The following ENPP6 variants were observed in gnomAD, a reference collection of about 807,000 sequenced individuals.
ENPP6 encodes glycerophosphocholine cholinephosphodiesterase ENPP6.
ENPP6 carries 32 observed loss-of-function variants against 42.0 expected under a neutral mutation model. The observed-to-expected ratio is 0.76, with a 90% CI of 0.58 to 1.02. The LOEUF is 1.02. Ranked by LOEUF, ENPP6 falls within the 50% of genes least tolerant of loss-of-function variation. The probability of loss-of-function intolerance (pLI) is 0.00; values close to 1 mark genes in which losing one functional copy is unlikely to be tolerated. For missense variants in ENPP6, 552 were observed against 566.8 expected, an observed-to-expected ratio of 0.97 and a Z score of 0.27; for synonymous variants, 213 against 216.0, an observed-to-expected ratio of 0.99 and a Z score of 0.12.
At chr4:184,136,240 A>G (rs919835636) in intron 2 of ENPP6, among the ~76,000 whole-genome samples, 4 of 151,622 alleles carry the variant, frequency 2.6e-5, no homozygotes, top group African/African-American at 9.7e-5. Context: ...ATATTAAAAT[A>G]TAAATTTCAT....
intron 1 of ENPP6, chr4:184,203,883 C>T (rs1009786383): frequency 6.6e-6 from 1 of 152,206 alleles, no homozygotes; most frequent in East Asian, 1.9e-4. Flanking sequence ...CATTAGCAGC[C>T]TAGTGTCACG....
At chr4:184,132,147 A>G (rs1466462710) in intron 2 of ENPP6, among the ~76,000 whole-genome samples, 2 of 152,180 alleles carry the variant, frequency 1.3e-5, no homozygotes, top group African/African-American at 4.8e-5. Flanking sequence ...GAGTCCACTG[A>G]TGCAAACGTC....
intron 7 of ENPP6, among the ~76,000 whole-genome samples, chr4:184,092,475 G>A (rs1459801578): frequency 6.6e-6 from 1 of 152,190 alleles, no homozygotes; most frequent in Non-Finnish European, 1.5e-5. Flanking sequence ...CACACAGGTA[G>A]GGTGGCCACA....
intron 1 of ENPP6, 131 bp downstream of exon 1, chr4:184,217,448 T>A (rs541494513): frequency 1.0e-4 from 136 of 1,299,112 alleles, no homozygotes; most frequent in South Asian, 6.9e-4. Flanking sequence ...AGATTTTTTT[T>A]ATCTACCTTT....
At chr4:184,135,859 C>A (rs974376130) in intron 2 of ENPP6, among the ~76,000 whole-genome samples, 1 of 152,090 alleles carries the variant, frequency 6.6e-6, no homozygotes, top group Non-Finnish European at 1.5e-5. Context: ...TGCACATTAG[C>A]TTCACCTGTT....
At chr4:184,169,741 A>G (rs544637771) in intron 1 of ENPP6, among the ~76,000 whole-genome samples, 4 of 152,228 alleles carry the variant, frequency 2.6e-5, no homozygotes, top group Admixed American at 2.6e-4. Flanking sequence ...TCCAAGGCCA[A>G]TCACCGGTGG....
Position 184,153,720 on chromosome 4 carries a change from T to C in ENPP6, c.255A>G (p.Glu85=), listed in dbSNP as rs1579638448. The C allele has an allele frequency of 6.2e-7, 1 of 1,614,002 alleles. No individual in the cohort carries two copies. The highest frequency in any genetic ancestry group is 2.2e-5 in the East Asian group (1 of 44,884). Residue 85 remains glutamate (E), a synonymous_variant, in exon 2 of 8, where the codon GAA becomes GAG. Transcript: ENST00000296741. ...YYTLMTGRHC[E]VHQMIGNYMW... ...TGTAGTTCCCGATCATCTGATGGACTTCACAATGGCGGCCTATGTCAATGA... is the reference window on the plus strand; with the variant it reads ...TGTAGTTCCCGATCATCTGATGGACCTCACAATGGCGGCCTATGTCAATGA...
intron 2 of ENPP6, among the ~76,000 whole-genome samples, chr4:184,147,172 A>G (rs946418726): frequency 1.3e-5 from 2 of 152,242 alleles, no homozygotes; most frequent in African/African-American, 2.4e-5. Flanking sequence ...CAAGAAGCCC[A>G]GGGCCATGCC....
At chr4:184,121,917 A>T (rs1736420882) in intron 3 of ENPP6, among the ~76,000 whole-genome samples, 1 of 152,214 alleles carries the variant, frequency 6.6e-6, no homozygotes, top group Non-Finnish European at 1.5e-5. Flanking sequence ...ATAATAACAC[A>T]CAGGTTGGCT....
At chr4:184,131,201 C>CTTTCTTTCTTTCTTT (rs376993212) in intron 2 of ENPP6, among the ~76,000 whole-genome samples, 8 of 70,644 alleles carry the variant, frequency 1.1e-4, no homozygotes, top group Admixed American at 4.6e-4. Context: ...TTCTTTCTTT[C>CTTTCTTTCTTTCTTT]TTCTTTCTTT....
chr4:184,091,484 G>A, intron 7 of ENPP6, 102 bp from the exon 8 acceptor site: 1 of 1,087,624 alleles, frequency 9.2e-7, no homozygotes. Flanking sequence ...AGGTGACATT[G>A]AGATTAGGGA....
chr4:184,201,008 C>A (rs941222119), intron 1 of ENPP6, among the ~76,000 whole-genome samples: 2 of 152,230 alleles, frequency 1.3e-5, no homozygotes, highest in Non-Finnish European at 2.9e-5. Context: ...CACGCATCCT[C>A]CCATGATCTG....
intron 2 of ENPP6, among the ~76,000 whole-genome samples, chr4:184,131,204 CTTTCTTTCTTTCTT>C (rs869026694): frequency 2.2e-5 from 1 of 45,182 alleles, no homozygotes; most frequent in African/African-American, 1.1e-4. Context: ...TTTCTTTCTT[CTTTCTTTCTTTCTT>C]TTTCTTTCTT....
chr4:184,113,903 C>CTTTCTTTCTTTTCT (rs1736258651), intron 5 of ENPP6, among the ~76,000 whole-genome samples: 73 of 60,906 alleles, frequency 1.2e-3, no homozygotes, highest in African/African-American at 4.4e-3. Context: ...TCTTTCTTTT[C>CTTTCTTTCTTTTCT]TTTCTTTCTT....
intron 1 of ENPP6, among the ~76,000 whole-genome samples, chr4:184,195,566 C>T (rs553160372): frequency 4.6e-5 from 7 of 152,284 alleles, no homozygotes; most frequent in Admixed American, 4.6e-4. Flanking sequence ...ACTGGAAACT[C>T]TGTACCCCTT....
chr4:184,173,231 G>A (rs1432534212), intron 1 of ENPP6, among the ~76,000 whole-genome samples: 1 of 152,098 alleles, frequency 6.6e-6, no homozygotes, highest in East Asian at 1.9e-4. Flanking sequence ...AGTGTTCATT[G>A]GAGCCTTGGA....
At chr4:184,180,469 A>G (rs1335360063) in intron 1 of ENPP6, among the ~76,000 whole-genome samples, 1 of 152,218 alleles carries the variant, frequency 6.6e-6, no homozygotes, top group East Asian at 1.9e-4. Flanking sequence ...AAACTATTCC[A>G]AACAATTGGA....
At chr4:184,162,535 G>A (rs1039419107) in intron 1 of ENPP6, among the ~76,000 whole-genome samples, 8 of 118,102 alleles carry the variant, frequency 6.8e-5, no homozygotes, top group African/African-American at 2.3e-4. Context: ...AGGAAGGAAA[G>A]GGAGGGAGGG....
chr4:184,146,931 T>G (rs1736936760), intron 2 of ENPP6, among the ~76,000 whole-genome samples: 2 of 152,166 alleles, frequency 1.3e-5, no homozygotes, highest in South Asian at 4.1e-4. Context: ...CCTTTTTTCT[T>G]TCCAGTTCTG....
Sources: allele counts gnomAD v4.1 joint callset (sites outside exome capture counted in the v4.1 genomes callset), GRCh38; gene constraint gnomAD v4.1.1; transcripts MANE v1.5; gene names NCBI Gene and HGNC (gene_info 2026-07-23, HGNC 2026-07-21).